The following RBFOX1 variants were observed in gnomAD, a reference collection of about 807,000 sequenced individuals.
The protein encoded by RBFOX1 is RNA binding protein fox-1 homolog 1.
Under a neutral mutation model 57.7 loss-of-function variants are expected in RBFOX1, and 8 were observed. The observed-to-expected ratio is 0.14, with a 90% CI of 0.08 to 0.25. The LOEUF (loss-of-function observed/expected upper bound fraction) is 0.25, where lower values mean the gene tolerates loss of function less well. Among genes scored for constraint, RBFOX1 ranks in the 10% least tolerant of loss-of-function variants. RBFOX1 has a pLI of 1.00. For synonymous variants in RBFOX1, 326 were observed against 222.4 expected (o/e 1.47, Z -4.15); for missense variants, 611 against 548.5 (o/e 1.11, Z -1.14).
At chr16:6,946,064 A>C (rs2079452964) in intron 3 of RBFOX1, among the ~76,000 whole-genome samples, 1 of 152,168 alleles carries the variant, frequency 6.6e-6, no homozygotes, top group Non-Finnish European at 1.5e-5. Flanking sequence ...GAATTAAAGC[A>C]CCCTTTCCCC....
intron 3 of RBFOX1, among the ~76,000 whole-genome samples, chr16:5,626,066 A>G (rs1208269323): frequency 1.3e-5 from 2 of 151,936 alleles, no homozygotes; most frequent in Non-Finnish European, 2.9e-5. Context: ...TTTTTAGTAC[A>G]GACGGGTTTC....
At position 7,224,559 on chromosome 16, in the gene RBFOX1, G is replaced by A. The variant is rs77644643; in HGVS notation, c.27+172461G>A. ...CTAGTAAAATCAGAGGGAGGTTTGA[G>A]CATCAGGATTTCTAAACTTTCAGAT... On this transcript the variant is annotated intron_variant, in intron 4 of 15. Transcript: ENST00000550418. Among the ~76,000 whole-genome samples, 495 of 152,242 alleles carry A rather than the reference G, an allele frequency of 3.3e-3. 2 individuals carry two copies. The highest frequency in any genetic ancestry group is 0.011 in the African/African-American group (463 of 41,536).
intron 2 of RBFOX1, among the ~76,000 whole-genome samples, chr16:6,453,044 T>A (rs1260345284): frequency 1.3e-5 from 2 of 152,172 alleles, no homozygotes; most frequent in South Asian, 4.1e-4. Context: ...CTTCCTCTTA[T>A]TCCACAGGTA....
chr16:6,407,540 GGTGT>G (rs71406372), intron 2 of RBFOX1, among the ~76,000 whole-genome samples: 11 of 53,890 alleles, frequency 2.0e-4, no homozygotes, highest in East Asian at 1.2e-3. Flanking sequence ...GAAGGAGAGG[GGTGT>G]GTGTGTGTGT....
At chr16:7,699,168 G>C (rs1171517247) in intron 14 of RBFOX1, among the ~76,000 whole-genome samples, 2 of 152,062 alleles carry the variant, frequency 1.3e-5, no homozygotes, top group African/African-American at 2.4e-5. Flanking sequence ...TCACACCTTG[G>C]GACACACTAA....
At chr16:6,449,165 A>G (rs974797651) in intron 2 of RBFOX1, among the ~76,000 whole-genome samples, 1 of 152,184 alleles carries the variant, frequency 6.6e-6, no homozygotes, top group Admixed American at 6.5e-5. Context: ...AGAGGAATGG[A>G]GACTTTGGAA....
At chr16:5,295,826 A>G (rs894786900) in intron 1 of RBFOX1, among the ~76,000 whole-genome samples, 1 of 152,214 alleles carries the variant, frequency 6.6e-6, no homozygotes, top group African/African-American at 2.4e-5. Context: ...CAAGGGTGTC[A>G]GTACCAGGAT....
chr16:6,475,462 T>C (rs2095257890), intron 2 of RBFOX1, among the ~76,000 whole-genome samples: 1 of 152,198 alleles, frequency 6.6e-6, no homozygotes, highest in South Asian at 2.1e-4. Context: ...GTGAACCATT[T>C]TGTAGACAAT....
chr16:6,650,944 C>G (rs1047392274), intron 2 of RBFOX1, among the ~76,000 whole-genome samples: 1 of 152,138 alleles, frequency 6.6e-6, no homozygotes, highest in African/African-American at 2.4e-5. Flanking sequence ...ACTTCGTTGC[C>G]CAGGCTGAAG....
intron 1 of RBFOX1, among the ~76,000 whole-genome samples, chr16:6,198,734 C>A (rs904952239): frequency 6.6e-6 from 1 of 151,976 alleles, no homozygotes; most frequent in Non-Finnish European, 1.5e-5. Flanking sequence ...CTAAAGTGTA[C>A]CCTTGCTGAA....
intron 3 of RBFOX1, among the ~76,000 whole-genome samples, chr16:6,901,792 G>A (rs1055532896): frequency 6.6e-6 from 1 of 152,178 alleles, no homozygotes; most frequent in African/African-American, 2.4e-5. Flanking sequence ...GATTGAGAAG[G>A]AAGAGACATA....
intron 3 of RBFOX1, among the ~76,000 whole-genome samples, chr16:6,701,479 C>T (rs1338248291): frequency 6.6e-6 from 1 of 152,184 alleles, no homozygotes; most frequent in Non-Finnish European, 1.5e-5. Context: ...TTATTTGACT[C>T]TTAGTTATGT....
intron 2 of RBFOX1, among the ~76,000 whole-genome samples, chr16:6,621,996 A>T (rs2098239875): frequency 6.6e-6 from 1 of 152,208 alleles, no homozygotes; most frequent in Non-Finnish European, 1.5e-5. Context: ...CGTGTTAGCC[A>T]AAGGGGCTTA....
intron 3 of RBFOX1, among the ~76,000 whole-genome samples, chr16:5,846,744 TCA>T (rs2056767144): frequency 6.6e-6 from 1 of 152,192 alleles, no homozygotes; most frequent in African/African-American, 2.4e-5. Flanking sequence ...ATGCTCCACT[TCA>T]CAGTCTTTGC....
intron 3 of RBFOX1, among the ~76,000 whole-genome samples, chr16:5,632,852 C>T (rs957229347): frequency 1.3e-5 from 2 of 151,936 alleles, no homozygotes. Context: ...CACAGAATTT[C>T]CGTAACTTTC....
At chr16:7,156,666 A>G (rs551342738) in intron 4 of RBFOX1, among the ~76,000 whole-genome samples, 1 of 152,244 alleles carries the variant, frequency 6.6e-6, no homozygotes, top group Admixed American at 6.5e-5. Context: ...TTAATTTTTA[A>G]TAGTTTTAGT....
At chr16:5,657,737 C>CT (rs144589835) in intron 3 of RBFOX1, among the ~76,000 whole-genome samples, 4,007 of 115,306 alleles carry the variant, frequency 0.035, 371 homozygotes, top group African/African-American at 0.11. Context: ...CTTTTCTTTT[C>CT]TTTTTTTTTT....
At chr16:7,356,128 A>G (rs1246583389) in intron 4 of RBFOX1, among the ~76,000 whole-genome samples, 3 of 152,180 alleles carry the variant, frequency 2.0e-5, no homozygotes, top group Non-Finnish European at 4.4e-5. Flanking sequence ...TAAGGTCAGT[A>G]TGTTCATCCA....
chr16:6,666,461 A>G (rs2098733369), intron 3 of RBFOX1, among the ~76,000 whole-genome samples: 2 of 149,974 alleles, frequency 1.3e-5, no homozygotes. Flanking sequence ...AATCACTTGA[A>G]CCTGGAAGGC....
Sources: gnomAD v4.1 joint callset for allele counts (sites outside exome capture counted in the v4.1 genomes callset) on GRCh38, gnomAD v4.1.1 for gene constraint, MANE v1.5 for transcripts, NCBI Gene and HGNC (gene_info 2026-07-23, HGNC 2026-07-21) for gene names.